The following ARB2A variants were observed in gnomAD, a reference collection of about 807,000 sequenced individuals.
The protein encoded by ARB2A is cotranscriptional regulator ARB2A.
At chr5:93,868,424 G>A in the ARB2A span, among the ~76,000 whole-genome samples, 2 of 152,214 alleles carry the variant, frequency 1.3e-5, no homozygotes, top group Non-Finnish European at 2.9e-5. Context: ...GATGCACACG[G>A]TAATGTTTAC....
chr5:93,818,903 C>T, the ARB2A span, among the ~76,000 whole-genome samples: 3 of 152,118 alleles, frequency 2.0e-5, no homozygotes, highest in Non-Finnish European at 4.4e-5. Context: ...AAGGTTTAAA[C>T]TTGGCCGGGC....
chr5:93,810,472 G>A, the ARB2A span, among the ~76,000 whole-genome samples: 2 of 151,984 alleles, frequency 1.3e-5, no homozygotes, highest in African/African-American at 4.8e-5. Flanking sequence ...GTCCAACCAC[G>A]GCTCACTGTA....
At chr5:93,651,477 A>T in the ARB2A span, among the ~76,000 whole-genome samples, 1 of 152,148 alleles carries the variant, frequency 6.6e-6, no homozygotes, top group Non-Finnish European at 1.5e-5. Context: ...TTTTAACTAA[A>T]ATTAAGGTAA....
chr5:94,105,321 A>G, the ARB2A span, among the ~76,000 whole-genome samples: 2 of 152,064 alleles, frequency 1.3e-5, no homozygotes, highest in East Asian at 3.8e-4. Flanking sequence ...TGTCAAAAAA[A>G]TCAGTAGCAT....
the ARB2A span, among the ~76,000 whole-genome samples, chr5:93,932,914 C>A: frequency 6.6e-6 from 1 of 152,128 alleles, no homozygotes; most frequent in African/African-American, 2.4e-5. Context: ...TGACAAAGGG[C>A]TAATATCCAG....
chr5:94,069,769 T>C, the ARB2A span, among the ~76,000 whole-genome samples: 1 of 151,978 alleles, frequency 6.6e-6, no homozygotes, highest in Non-Finnish European at 1.5e-5. Context: ...ATGGCTATTA[T>C]TAAAAAGACA....
the ARB2A span, among the ~76,000 whole-genome samples, chr5:93,761,130 C>T: frequency 4.6e-5 from 7 of 152,218 alleles, no homozygotes; most frequent in East Asian, 7.8e-4. Context: ...CCAGCATGAG[C>T]GACGCAGAAG....
At chr5:93,895,394 T>C in the ARB2A span, among the ~76,000 whole-genome samples, 1 of 152,210 alleles carries the variant, frequency 6.6e-6, no homozygotes, top group Non-Finnish European at 1.5e-5. Context: ...GAAATGTGAT[T>C]TGCTCTATCA....
chr5:93,684,035 A>G, the ARB2A span, among the ~76,000 whole-genome samples: 16 of 152,164 alleles, frequency 1.1e-4, no homozygotes, highest in African/African-American at 3.6e-4. Flanking sequence ...TTTTTACAAA[A>G]CCTCTATTAG....
chr5:93,675,487 T>C, the ARB2A span, among the ~76,000 whole-genome samples: 3 of 152,332 alleles, frequency 2.0e-5, no homozygotes, highest in African/African-American at 7.2e-5. Flanking sequence ...CTTCTAAATA[T>C]GTATAAGAAA....
At chr5:93,948,589 C>T in the ARB2A span, among the ~76,000 whole-genome samples, 1 of 152,058 alleles carries the variant, frequency 6.6e-6, no homozygotes, top group African/African-American at 2.4e-5. Flanking sequence ...TTGCCCATGC[C>T]TATGTCCTGA....
At chr5:93,762,229 G>A in the ARB2A span, among the ~76,000 whole-genome samples, 4 of 152,174 alleles carry the variant, frequency 2.6e-5, no homozygotes, top group Admixed American at 2.0e-4. Context: ...GAGAGAAGAA[G>A]GCTTCAGACG....
At chr5:93,930,629 A>C in the ARB2A span, among the ~76,000 whole-genome samples, 3 of 152,220 alleles carry the variant, frequency 2.0e-5, no homozygotes, top group African/African-American at 7.2e-5. Context: ...TAAGAAGAGC[A>C]CCAGATGAGT....
At chr5:93,729,600 C>G in the ARB2A span, among the ~76,000 whole-genome samples, 1 of 152,008 alleles carries the variant, frequency 6.6e-6, no homozygotes, top group South Asian at 2.1e-4. Context: ...AATATGTATA[C>G]TGATATGTGT....
the ARB2A span, among the ~76,000 whole-genome samples, chr5:94,102,900 T>C: frequency 3.9e-5 from 6 of 152,084 alleles, no homozygotes; most frequent in African/African-American, 7.2e-5. Context: ...AACCAAGAAT[T>C]TCATATCTAG....
chr5:93,835,420 T>C, the ARB2A span, among the ~76,000 whole-genome samples: 1 of 152,246 alleles, frequency 6.6e-6, no homozygotes, highest in Non-Finnish European at 1.5e-5. Context: ...TTTCTTCAGC[T>C]AACCTGTTGC....
At chr5:94,077,359 C>A in the ARB2A span, among the ~76,000 whole-genome samples, 11 of 149,390 alleles carry the variant, frequency 7.4e-5, no homozygotes, top group Non-Finnish European at 1.2e-4. Context: ...GTTGACAAAG[C>A]GAGACTCTGT....
At chr5:94,009,539 C>A in the ARB2A span, among the ~76,000 whole-genome samples, 8 of 151,874 alleles carry the variant, frequency 5.3e-5, no homozygotes, top group Non-Finnish European at 4.4e-5. Context: ...CCAAATAATA[C>A]ATTATTTTTT....
At chr5:93,726,230 C>T in the ARB2A span, among the ~76,000 whole-genome samples, 5 of 151,962 alleles carry the variant, frequency 3.3e-5, no homozygotes, top group African/African-American at 7.3e-5. Context: ...GACACAAGGA[C>T]GATGGTGGAC....
Sources: allele counts gnomAD v4.1 joint callset (sites outside exome capture counted in the v4.1 genomes callset), GRCh38; gene constraint gnomAD v4.1.1; transcripts MANE v1.5; gene names NCBI Gene and HGNC (gene_info 2026-07-23, HGNC 2026-07-21).